The following EEF1A2 variants were observed in gnomAD, a reference collection of about 807,000 sequenced individuals.
EEF1A2 encodes elongation factor 1-alpha 2.
Under a neutral mutation model 39.3 loss-of-function variants are expected in EEF1A2, and 5 were observed. That is an observed-to-expected ratio of 0.13 (90% CI 0.07 to 0.27). The LOEUF (loss-of-function observed/expected upper bound fraction) is 0.27. Ranked by LOEUF, EEF1A2 falls within the 10% of genes least tolerant of loss-of-function variation. The pLI is 1.00. For missense variants in EEF1A2, 218 were observed against 681.4 expected, an observed-to-expected ratio of 0.32 and a Z score of 7.57; for synonymous variants, 287 against 293.7, an observed-to-expected ratio of 0.98 and a Z score of 0.23.
At chr20:63,492,519 T>C (rs1228798101) in intron 5 of EEF1A2, among the ~76,000 whole-genome samples, 127 of 149,492 alleles carry the variant, frequency 8.5e-4, no homozygotes, top group African/African-American at 3.1e-3. Context: ...GGTGGGGAGG[T>C]GGATGGATGG....
chr20:63,496,116 G>C, intron 2 of EEF1A2, 81 bp from the exon 3 acceptor site: 1 of 1,512,762 alleles, frequency 6.6e-7, no homozygotes, highest in South Asian at 1.2e-5. Flanking sequence ...TGTTACAGCA[G>C]AGTGGCCGCG....
chr20:63,495,186 T>C, intron 3 of EEF1A2, 85 bp from the exon 4 acceptor site: 1 of 1,532,464 alleles, frequency 6.5e-7, no homozygotes, highest in Non-Finnish European at 8.8e-7. Flanking sequence ...CTTCCAGGCC[T>C]CTCCAGGCAG....
chr20:63,495,201 C>G, intron 3 of EEF1A2, 100 bp from the exon 4 acceptor site: 1 of 1,505,920 alleles, frequency 6.6e-7, no homozygotes, highest in Non-Finnish European at 8.9e-7. Context: ...AGGCAGCGGG[C>G]TGGGGCCTGA....
At chr20:63,490,865 C>A in intron 5 of EEF1A2, 130 bp from the exon 6 acceptor site, 1 of 1,132,064 alleles carries the variant, frequency 8.8e-7, no homozygotes, top group Non-Finnish European at 1.2e-6. Flanking sequence ...GGGGTTGGGG[C>A]CACATGGGCG....
chr20:63,492,407 T>TGGATGGATAGAGAGAA (rs2082389833), intron 5 of EEF1A2, among the ~76,000 whole-genome samples: 1 of 147,510 alleles, frequency 6.8e-6, no homozygotes, highest in African/African-American at 2.5e-5. Flanking sequence ...GATGGATGGA[T>TGGATGGATAGAGAGAA]GGATGGATGG....
chr20:63,491,876 A>AGATG (rs1167375518), intron 5 of EEF1A2, among the ~76,000 whole-genome samples: 22,907 of 61,602 alleles, frequency 0.37, 3,147 homozygotes, highest in Non-Finnish European at 0.45. Flanking sequence ...GTGGATGGAT[A>AGATG]GATGGATGGA....
chr20:63,492,107 T>A (rs1362191472), intron 5 of EEF1A2, among the ~76,000 whole-genome samples: 2 of 109,224 alleles, frequency 1.8e-5, no homozygotes, highest in African/African-American at 3.4e-5. Context: ...GATGGGGAGA[T>A]GGATGGATGG....
At chr20:63,488,502 G>A (rs956285140) in intron 7 of EEF1A2, 77 bp from the exon 8 acceptor site, 1 of 1,312,254 alleles carries the variant, frequency 7.6e-7, no homozygotes, top group Admixed American at 4.0e-5. Context: ...GGCCGGGCGG[G>A]GGCGCAACCG....
intron 3 of EEF1A2, among the ~76,000 whole-genome samples, chr20:63,495,397 G>C (rs968814065): frequency 9.2e-5 from 14 of 152,260 alleles, no homozygotes; most frequent in African/African-American, 3.4e-4. Context: ...AGGACGGATA[G>C]AAGTCACAGT....
At chr20:63,496,159 C>T in intron 2 of EEF1A2, 124 bp from the exon 3 acceptor site, 1 of 1,231,058 alleles carries the variant, frequency 8.1e-7, no homozygotes, top group Non-Finnish European at 1.1e-6. Context: ...CACCCCCTTG[C>T]TCTCCGTCGG....
intron 4 of EEF1A2, among the ~76,000 whole-genome samples, chr20:63,494,479 C>T (rs894587528): frequency 1.3e-5 from 2 of 152,262 alleles, no homozygotes; most frequent in East Asian, 1.9e-4. Context: ...GAGATGAAAC[C>T]GACCGCCCCC....
In EEF1A2 at chr20:63,489,090, G is replaced by A. The variant is rs1455059454; in HGVS notation, c.1092C>T (p.His364=). The stretch of plus-strand genomic sequence containing the variant: ...CAAACTTGCAGGCGATGTGGGCTGT[G>A]TGGCAGTCGATGACCGGGGAGTAGC... ...SAGYSPVIDC[H]TAHIACKFAE... The change falls in exon 7 of 8, where the codon CAC becomes CAT. Residue 364 remains histidine, a synonymous_variant. Transcript: ENST00000217182. The A allele has an allele frequency of 3.1e-6, 5 of 1,612,690 alleles. No individual in the cohort carries two copies. Among genetic ancestry groups the A allele is most frequent in the Middle Eastern group, 1.6e-4 (1 of 6,082 alleles).
intron 4 of EEF1A2, among the ~76,000 whole-genome samples, chr20:63,493,628 T>C (rs2082402335): frequency 6.6e-6 from 1 of 152,160 alleles, no homozygotes; most frequent in Non-Finnish European, 1.5e-5. Context: ...GCAGGGCAGA[T>C]GACTTGACTA....
In EEF1A2 at chr20:63,488,258, CGGCACCGCCGGGGAGGGTCGCGCCGCG is replaced by C. The variant is rs1460220445; in HGVS notation, c.*13_*39del. The C allele has an allele frequency of 9.9e-7, 1 of 1,007,402 alleles. No homozygotes were observed. The highest frequency in any genetic ancestry group is 1.2e-6 in the Non-Finnish European group (1 of 845,836). The allele number at this position is 1,007,402 out of a possible 1,614,324, so 62.4% of individuals were successfully genotyped here. On this transcript the variant is annotated 3_prime_UTR_variant, in exon 8 of 8. Transcript: ENST00000217182. ...GGGCCCGGGCCCGGGGTTCGGAGCG[CGGCACCGCCGGGGAGGGTCGCGCCGCG>C]GGCGCCCGCGCTTCACTTGCCCGCC...
chr20:63,488,339 C>T lies in EEF1A2; in HGVS notation c.1351G>A (p.Val451Ile), dbSNP rs1201131200. Residue 451 changes from valine (V) to isoleucine (I), a missense_variant, in exon 8 of 8, where the codon GTC becomes ATC. By Grantham distance (29) the Val-to-Ile change is conservative (BLOSUM62 3). Transcript: ENST00000217182. ...VEKKSGGAGK[V>I]TKSAQKAQKA... The stretch of plus-strand genomic sequence containing the variant: ...TGCGCCTTCTGCGCCGACTTGGTGA[C>T]CTTGCCGGCGCCGCCGCTCTTCTTC... 6 of 1,465,130 alleles carry T rather than the reference C, an allele frequency of 4.1e-6. No homozygotes were observed. Among genetic ancestry groups the T allele is most frequent in the Non-Finnish European group, 4.5e-6 (5 of 1,108,882 alleles). 90.8% of individuals were successfully genotyped at this position (1,465,130 alleles called of 1,614,324 possible).
rs540122641 is a variant in EEF1A2 at position 63,498,074 on chromosome 20, G to A, written c.-71-240C>T. On this transcript the variant is annotated intron_variant, in intron 1 of 7. Transcript: ENST00000217182. This position sits in a 1 kb window ranked among gnomAD's most constrained non-coding sequence, Gnocchi z 4.1. ...CCCCATCTGCTGTAAATAACTGGGC[G>A]TTGGAGCCCGCGGGCTGCTCCTTGG... is the stretch of plus-strand genomic sequence containing the variant. The A allele has an allele frequency of 1.8e-5, 5 of 271,606 alleles. No individual in the cohort carries two copies. The East Asian group carries it at 2.2e-4, about 12-fold the overall frequency. The allele number at this position is 271,606 out of a possible 1,614,324, so 16.8% of individuals were successfully genotyped here. A position where few individuals can be genotyped will look rare whatever the true frequency, so the allele number is the denominator to read the frequency against.
At chr20:63,495,478 C>T (rs975439440) in intron 3 of EEF1A2, among the ~76,000 whole-genome samples, 10 of 152,198 alleles carry the variant, frequency 6.6e-5, no homozygotes, top group Admixed American at 1.3e-4. Context: ...GGTGTCCGTG[C>T]GTCTCTGTGA....
At chr20:63,494,408 GC>G (rs1478697835) in intron 4 of EEF1A2, among the ~76,000 whole-genome samples, 1 of 152,208 alleles carries the variant, frequency 6.6e-6, no homozygotes, top group African/African-American at 2.4e-5. Context: ...AGCCAAGGAG[GC>G]CCCCACGGCC....
intron 5 of EEF1A2, among the ~76,000 whole-genome samples, chr20:63,492,243 T>G (rs111067203): frequency 1 from 38,409 of 38,442 alleles, 19,194 homozygotes; most frequent in Middle Eastern, 1. Context: ...GATGGATAGG[T>G]AGGTGGGTGG....
Sources: allele counts gnomAD v4.1 joint callset (sites outside exome capture counted in the v4.1 genomes callset), GRCh38; gene constraint gnomAD v4.1.1; non-coding constraint Gnocchi (gnomAD v3.1); transcripts MANE v1.5; gene names NCBI Gene and HGNC (gene_info 2026-07-23, HGNC 2026-07-21).